SOX6: variants seen among roughly 807,000 people sequenced by gnomAD.
The protein encoded by SOX6 is SRY-box transcription factor 6.
In SOX6, 11 loss-of-function variants were observed where a neutral mutation model predicts 97.8. The ratio of observed to expected loss-of-function variants is 0.11; its 90% confidence interval spans 0.07 to 0.19. The LOEUF is 0.19. Ranked by LOEUF, SOX6 falls within the 10% of genes least tolerant of loss-of-function variation. The pLI is 1.00. For synonymous variants in SOX6, 360 were observed against 371.4 expected (o/e 0.97, Z 0.35); for missense variants, 810 against 1,039.5 (o/e 0.78, Z 3.04).
intron 4 of SOX6, among the ~76,000 whole-genome samples, chr11:16,514,390 A>G (rs1443015384): frequency 2.0e-5 from 3 of 152,168 alleles, no homozygotes; most frequent in East Asian, 1.9e-4. Flanking sequence ...ACATTGGTAC[A>G]TAATAGTTGC....
At chr11:16,669,819 C>T (rs577878288) in intron 3 of SOX6, among the ~76,000 whole-genome samples, 3 of 152,266 alleles carry the variant, frequency 2.0e-5, no homozygotes, top group Admixed American at 6.5e-5. Flanking sequence ...GGAACTCTGA[C>T]ACAACCACCC....
chr11:16,006,108 T>C (rs1854546873), intron 13 of SOX6, among the ~76,000 whole-genome samples: 1 of 152,004 alleles, frequency 6.6e-6, no homozygotes, highest in Non-Finnish European at 1.5e-5. Flanking sequence ...CTAGTATGCG[T>C]TTGAATGAAA....
chr11:16,671,447 G>T (rs1847847054), intron 3 of SOX6, among the ~76,000 whole-genome samples: 1 of 152,158 alleles, frequency 6.6e-6, no homozygotes. Context: ...GTACAGGAAA[G>T]AACCTAAAAG....
At chr11:15,982,145 G>C (rs2119817218) in intron 15 of SOX6, among the ~76,000 whole-genome samples, 1 of 152,134 alleles carries the variant, frequency 6.6e-6, no homozygotes, top group Middle Eastern at 3.4e-3. Context: ...TACCGCCTCT[G>C]TGTGTGTAAT....
chr11:16,207,055 T>TAC (rs1312289080), intron 4 of SOX6, among the ~76,000 whole-genome samples: 3 of 152,118 alleles, frequency 2.0e-5, no homozygotes, highest in Non-Finnish European at 4.4e-5. Flanking sequence ...CAAATGCACA[T>TAC]ACACATATAC....
At chr11:16,258,449 A>G (rs991540136) in intron 3 of SOX6, among the ~76,000 whole-genome samples, 10 of 152,026 alleles carry the variant, frequency 6.6e-5, no homozygotes, top group African/African-American at 1.4e-4. Context: ...AAAAAAGCCA[A>G]TCTCATAAAG....
intron 3 of SOX6, among the ~76,000 whole-genome samples, chr11:16,247,158 A>G (rs1853361095): frequency 6.6e-6 from 1 of 152,144 alleles, no homozygotes; most frequent in African/African-American, 2.4e-5. Flanking sequence ...AGAATATGTC[A>G]CAAATATCTT....
At chr11:16,516,955 C>T (rs1278733442) in intron 4 of SOX6, among the ~76,000 whole-genome samples, 2 of 143,044 alleles carry the variant, frequency 1.4e-5, no homozygotes, top group Non-Finnish European at 1.5e-5. Flanking sequence ...CCGAATCCAG[C>T]AGCACATCAA....
chr11:16,597,296 T>G (rs1270119569), intron 4 of SOX6, among the ~76,000 whole-genome samples: 2 of 150,462 alleles, frequency 1.3e-5, no homozygotes, highest in African/African-American at 2.5e-5. Context: ...TTCTACCCAC[T>G]TATATGTATA....
At chr11:16,148,266 A>C (rs928199060) in intron 6 of SOX6, among the ~76,000 whole-genome samples, 1 of 152,098 alleles carries the variant, frequency 6.6e-6, no homozygotes, top group Non-Finnish European at 1.5e-5. Flanking sequence ...TATGGGAGGA[A>C]ATTTAGTGTA....
At chr11:16,283,800 C>A in intron 3 of SOX6, 1 of 316,640 alleles carries the variant, frequency 3.2e-6, no homozygotes, top group South Asian at 2.6e-5. Flanking sequence ...TTCAATGCTG[C>A]TAATGTTCGA....
At chr11:16,144,150 T>C (rs1036828267) in intron 6 of SOX6, among the ~76,000 whole-genome samples, 1 of 152,110 alleles carries the variant, frequency 6.6e-6, no homozygotes, top group Non-Finnish European at 1.5e-5. Flanking sequence ...TAATAAACTG[T>C]CTCTCAGACC....
intron 3 of SOX6, among the ~76,000 whole-genome samples, chr11:16,305,247 C>T (rs200879140): frequency 6.6e-6 from 1 of 151,990 alleles, no homozygotes; most frequent in East Asian, 1.9e-4. Flanking sequence ...GAAAATAGAC[C>T]GAAAACATGA....
chr11:16,026,854 A>G (rs544761085), intron 12 of SOX6, among the ~76,000 whole-genome samples: 14 of 152,292 alleles, frequency 9.2e-5, no homozygotes, highest in Admixed American at 2.0e-4. Context: ...CTGAAATTGA[A>G]ATTTTTAAAA....
At chr11:16,350,619 T>C (rs1856917061) in intron 1 of SOX6, among the ~76,000 whole-genome samples, 1 of 152,128 alleles carries the variant, frequency 6.6e-6, no homozygotes, top group Non-Finnish European at 1.5e-5. Context: ...TATTACAATA[T>C]ACTAAAATAA....
At chr11:16,096,557 C>T (rs1590193728) in intron 8 of SOX6, among the ~76,000 whole-genome samples, 1 of 151,724 alleles carries the variant, frequency 6.6e-6, no homozygotes, top group South Asian at 2.1e-4. Flanking sequence ...TGACTCATGA[C>T]AAAATTTCTC....
At chr11:16,172,650 T>C (rs1384973350) in intron 6 of SOX6, among the ~76,000 whole-genome samples, 3 of 152,032 alleles carry the variant, frequency 2.0e-5, no homozygotes, top group South Asian at 2.1e-4. Flanking sequence ...ACTGCTCTCC[T>C]TTTTTAAAGT....
At chr11:16,018,492 A>C (rs1854952639) in intron 12 of SOX6, among the ~76,000 whole-genome samples, 1 of 152,104 alleles carries the variant, frequency 6.6e-6, no homozygotes, top group Non-Finnish European at 1.5e-5. Context: ...CAAATGTAAA[A>C]TTGTGATCTG....
chr11:16,348,817 CAG>C (rs1203521512), intron 1 of SOX6, among the ~76,000 whole-genome samples: 2 of 152,098 alleles, frequency 1.3e-5, no homozygotes, highest in African/African-American at 4.8e-5. Flanking sequence ...TTTTCTTTAA[CAG>C]AGAGTTACGC....
Sources: gnomAD v4.1 joint callset for allele counts (sites outside exome capture counted in the v4.1 genomes callset) on GRCh38, gnomAD v4.1.1 for gene constraint, MANE v1.5 for transcripts, NCBI Gene and HGNC (gene_info 2026-07-23, HGNC 2026-07-21) for gene names.